Variants in GK observed in about 807,000 individuals in gnomAD.
GK encodes glycerol kinase.
GK carries 9 observed loss-of-function variants against 56.4 expected under a neutral mutation model. That is an observed-to-expected ratio of 0.16 (90% CI 0.10 to 0.28). The LOEUF is 0.28. Ranked by LOEUF, GK falls within the 10% of genes least tolerant of loss-of-function variation. The pLI is 1.00. For synonymous variants in GK, 104 were observed against 144.1 expected (o/e 0.72, Z 1.99); for missense variants, 161 against 431.4 (o/e 0.37, Z 5.55).
At chrX:30,689,359 C>G in intron 4 of GK, 1 of 277,055 alleles carries the variant, frequency 3.6e-6, no homozygotes, top group African/African-American at 2.7e-5. Flanking sequence ...CTTGCCACCT[C>G]CATGATGATG....
intron 15 of GK, 29 bp from the exon 16 acceptor site, chrX:30,719,982 A>T (rs1320080422): frequency 1.0e-6 from 1 of 952,620 alleles, no homozygotes; most frequent in South Asian, 1.9e-5. Context: ...ATATCATTCT[A>T]ATCTGAAAAT....
intron 1 of GK, among the ~76,000 whole-genome samples, chrX:30,662,783 CTCTCTT>C (rs376955106): frequency 9.6e-6 from 1 of 104,420 alleles, no homozygotes; most frequent in African/African-American, 3.6e-5. Flanking sequence ...CTCTCTCTCT[CTCTCTT>C]TCTTTCCTTC....
At chrX:30,659,323 G>A (rs936177776) in intron 1 of GK, among the ~76,000 whole-genome samples, 1 of 112,609 alleles carries the variant, frequency 8.9e-6, no homozygotes. Flanking sequence ...GTGAGCCACC[G>A]TGCTCGGCCA....
chrX:30,688,966 CA>C (rs1934779688), intron 4 of GK, among the ~76,000 whole-genome samples: 1 of 112,438 alleles, frequency 8.9e-6, no homozygotes, highest in African/African-American at 3.2e-5. Context: ...TTACATTTTA[CA>C]TAATGATCCA....
chrX:30,684,000 AT>A (rs1394426022), intron 4 of GK, among the ~76,000 whole-genome samples: 1 of 111,372 alleles, frequency 9.0e-6, no homozygotes, highest in Non-Finnish European at 1.9e-5. Context: ...CTACCCACCC[AT>A]TTTTCTAAGC....
chrX:30,673,323 T>G (rs1423325996), intron 3 of GK, among the ~76,000 whole-genome samples: 1 of 112,407 alleles, frequency 8.9e-6, no homozygotes, highest in Non-Finnish European at 1.9e-5. Context: ...TCATATTATC[T>G]TAAACAGTGC....
chrX:30,697,102 A>G (rs905897704), intron 8 of GK, among the ~76,000 whole-genome samples: 172 of 112,885 alleles, frequency 1.5e-3, no homozygotes, highest in African/African-American at 5.3e-3. Context: ...CCTGAGCAAA[A>G]TTTAGCAAAG....
chrX:30,708,521 G>A (rs1413353691), intron 13 of GK, among the ~76,000 whole-genome samples: 1 of 110,543 alleles, frequency 9.0e-6, no homozygotes, highest in Non-Finnish European at 1.9e-5. Context: ...AGAACCCTGG[G>A]CACAAATAGG....
chrX:30,676,819 A>G (rs1458185631), intron 3 of GK, among the ~76,000 whole-genome samples: 2 of 111,772 alleles, frequency 1.8e-5, no homozygotes, highest in South Asian at 3.6e-4. Context: ...TCAAATTCTT[A>G]TGTATTGTGA....
In GK at chrX:30,729,946, T is replaced by A. The variant is rs963286275; in HGVS notation, c.*1204T>A. 1.8e-4 allele frequency: 20 copies of A among 112,247 alleles called. No homozygotes were observed. Among genetic ancestry groups the A allele is most frequent in the African/African-American group, 6.1e-4 (19 of 30,986 alleles). 9.3% of individuals were successfully genotyped at this position (112,247 alleles called of 1,213,427 possible). ...AAAAATATAGAAATAAAGCCAAGAA[T>A]CTCTTTCAGTTCAAATGTTATCAAT... On this transcript the variant is annotated 3_prime_UTR_variant, in exon 21 of 21. Coordinates refer to ENST00000427190, the MANE Select transcript of GK (RefSeq NM_001205019.2).
intron 4 of GK, chrX:30,689,380 CT>C (rs1934803238): frequency 3.5e-6 from 1 of 289,083 alleles, no homozygotes. Flanking sequence ...TCACTAATGG[CT>C]TGTATCAATC....
chrX:30,725,927 A>G (rs1383023253), intron 19 of GK, among the ~76,000 whole-genome samples: 1 of 110,980 alleles, frequency 9.0e-6, no homozygotes, highest in African/African-American at 3.3e-5. Flanking sequence ...TGCTGGGATT[A>G]CAGACATGAG....
At chrX:30,700,968 A>G in intron 11 of GK, 63 bp downstream of exon 11, 1 of 717,046 alleles carries the variant, frequency 1.4e-6, no homozygotes, top group Non-Finnish European at 2.2e-6. Flanking sequence ...GGTGCTTTGA[A>G]TAAGGAAAAG....
At chrX:30,726,687 A>G (rs2147274971) in intron 19 of GK, among the ~76,000 whole-genome samples, 1 of 111,933 alleles carries the variant, frequency 8.9e-6, no homozygotes, top group South Asian at 3.7e-4. Flanking sequence ...ATAAAATGCT[A>G]GTTGTATTCC....
rs1320022265 is a variant in GK at position 30,730,808 on chromosome X, G to T, written c.*2066G>T. The T allele has an allele frequency of 1.8e-5, 2 of 110,561 alleles. No homozygotes were observed. Among genetic ancestry groups the T allele is most frequent in the East Asian group, 5.7e-4 (2 of 3,525 alleles). The allele number at this position is 110,561 out of a possible 1,213,427, so 9.1% of individuals were successfully genotyped here. A position where few individuals can be genotyped will look rare whatever the true frequency, so the allele number is the denominator to read the frequency against. The stretch of plus-strand genomic sequence containing the variant: ...ATCTCTACTAAAAAAAAAAAAAGAT[G>T]TTTCAGGACATGTGAAACTTGGCTG... On this transcript the variant is annotated 3_prime_UTR_variant, in exon 21 of 21. Transcript: ENST00000427190.
At chrX:30,660,678 G>A (rs1272550048) in intron 1 of GK, among the ~76,000 whole-genome samples, 1 of 110,288 alleles carries the variant, frequency 9.1e-6, no homozygotes, top group Non-Finnish European at 1.9e-5. Flanking sequence ...GCTGGAGCTC[G>A]ATGTGCCCCA....
intron 4 of GK, among the ~76,000 whole-genome samples, chrX:30,683,351 C>T (rs5926939): frequency 0.14 from 15,001 of 110,707 alleles, 1,006 homozygotes; most frequent in Middle Eastern, 0.25. Context: ...CCACCATACC[C>T]GGCCAGATGA....
chrX:30,708,529 A>G (rs776344248), intron 13 of GK, among the ~76,000 whole-genome samples: 1 of 111,177 alleles, frequency 9.0e-6, no homozygotes, highest in Non-Finnish European at 1.9e-5. Context: ...GGGCACAAAT[A>G]GGCAGAACAA....
intron 7 of GK, among the ~76,000 whole-genome samples, 197 bp from the exon 8 acceptor site, chrX:30,696,420 C>T (rs181126679): frequency 6.1e-4 from 68 of 112,244 alleles, no homozygotes; most frequent in Non-Finnish European, 1.1e-4. Flanking sequence ...TATTGATTGG[C>T]TTGCATAAAG....
Sources: allele counts gnomAD v4.1 joint callset (sites outside exome capture counted in the v4.1 genomes callset), GRCh38; gene constraint gnomAD v4.1.1; transcripts MANE v1.5; gene names NCBI Gene and HGNC (gene_info 2026-07-23, HGNC 2026-07-21).